Variants in CLYBL observed in about 807,000 individuals in gnomAD.
The protein encoded by CLYBL is citramalyl-CoA lyase.
A neutral mutation model predicts 38.9 loss-of-function variants in CLYBL; 31 were observed. The observed-to-expected ratio is 0.80, with a 90% CI of 0.60 to 1.08. The LOEUF is 1.08. CLYBL is among the 50% of genes least tolerant of loss of function. The pLI is 0.00. For missense variants in CLYBL, 434 were observed against 411.6 expected (o/e 1.05, Z -0.47); for synonymous variants, 171 against 158.6 (o/e 1.08, Z -0.59).
intron 1 of CLYBL, among the ~76,000 whole-genome samples, chr13:99,760,057 A>T (rs557091232): frequency 1.3e-5 from 2 of 152,152 alleles, no homozygotes; most frequent in Non-Finnish European, 2.9e-5. Flanking sequence ...GTTTCTTCAC[A>T]GTTTAGTCTT....
intron 1 of CLYBL, among the ~76,000 whole-genome samples, chr13:99,645,027 A>G (rs1352669345): frequency 6.6e-6 from 1 of 152,194 alleles, no homozygotes; most frequent in Non-Finnish European, 1.5e-5. Flanking sequence ...TCTTTTGGGT[A>G]TATACCTAGC....
At chr13:99,738,152 T>C (rs1017481490) in intron 1 of CLYBL, among the ~76,000 whole-genome samples, 1 of 152,220 alleles carries the variant, frequency 6.6e-6, no homozygotes, top group African/African-American at 2.4e-5. Flanking sequence ...AATATCTGCC[T>C]TTATCTTAAT....
intron 1 of CLYBL, among the ~76,000 whole-genome samples, chr13:99,648,735 T>G (rs953469389): frequency 6.6e-6 from 1 of 152,326 alleles, no homozygotes; most frequent in Non-Finnish European, 1.5e-5. Flanking sequence ...AAATGTACTT[T>G]TCTTACTCCT....
chr13:99,825,487 T>C lies in CLYBL; in HGVS notation c.250-33374T>C, dbSNP rs139100084. ...TTTTGTTCCAGGTAGTTTTTCCCCT[T>C]TGGCTTAGTCCCCTTTTTTATGAGG... On this transcript the variant is annotated intron_variant, in intron 2 of 8. Transcript: ENST00000339105. Among the ~76,000 whole-genome samples the C allele has an allele frequency of 9.0e-3, 1,368 of 152,290 alleles. 16 individuals carry two copies. Among genetic ancestry groups the C allele is most frequent in the Middle Eastern group, 0.037 (11 of 294 alleles).
chr13:99,695,866 G>A (rs1258926375), intron 1 of CLYBL, among the ~76,000 whole-genome samples: 1 of 152,170 alleles, frequency 6.6e-6, no homozygotes, highest in Non-Finnish European at 1.5e-5. Flanking sequence ...TCACATGAGG[G>A]TCTTCAGGGG....
intron 1 of CLYBL, among the ~76,000 whole-genome samples, chr13:99,771,217 G>A (rs1166223066): frequency 6.6e-6 from 1 of 151,810 alleles, no homozygotes; most frequent in East Asian, 1.9e-4. Flanking sequence ...TGCTTTTTGA[G>A]TTTTTTTCCT....
At chr13:99,710,498 A>G (rs936266755) in intron 1 of CLYBL, among the ~76,000 whole-genome samples, 2 of 152,194 alleles carry the variant, frequency 1.3e-5, no homozygotes, top group African/African-American at 4.8e-5. Flanking sequence ...TATGAAGACA[A>G]TGTAGGACAA....
At chr13:99,609,471 A>G (rs1594080857) in intron 1 of CLYBL, among the ~76,000 whole-genome samples, 1 of 152,164 alleles carries the variant, frequency 6.6e-6, no homozygotes, top group African/African-American at 2.4e-5. Flanking sequence ...CACCGTGCCC[A>G]GCCGACCTGT....
At chr13:99,616,705 C>T (rs1008558825) in intron 1 of CLYBL, among the ~76,000 whole-genome samples, 2 of 152,170 alleles carry the variant, frequency 1.3e-5, no homozygotes, top group African/African-American at 4.8e-5. Flanking sequence ...CCTGTAATTC[C>T]AGCACTTTGA....
rs770989492 is a variant in CLYBL at position 99,859,039 on chromosome 13, A to G, written c.428A>G (p.Glu143Gly). The change falls in exon 3 of 9, where the codon GAA (glutamate) becomes GGA (glycine). Residue 143 changes from glutamate (E) to glycine (G), a missense_variant. By Grantham distance (98) the Glu-to-Gly change is moderately conservative. Transcript: ENST00000339105. ...LMLPKVESPE[E>G]IQWFADKFSF... ...CTACCAAAGGTGGAAAGTCCTGAAG[A>G]AATCCAGTGGGTGAGTAGCTAATGC... is the stretch of plus-strand genomic sequence containing the variant. 1.2e-6 allele frequency: 2 copies of G among 1,612,176 alleles called. No individual in the cohort carries two copies. Among genetic ancestry groups the G allele is most frequent in the South Asian group, 2.2e-5 (2 of 90,556 alleles).
chr13:99,615,505 C>T (rs1450017855), intron 1 of CLYBL, among the ~76,000 whole-genome samples: 2 of 152,086 alleles, frequency 1.3e-5, no homozygotes, highest in Admixed American at 6.5e-5. Flanking sequence ...TGTGTTCTGC[C>T]GTTACACAAT....
At chr13:99,777,059 A>C (rs2049532760) in intron 2 of CLYBL, among the ~76,000 whole-genome samples, 1 of 151,986 alleles carries the variant, frequency 6.6e-6, no homozygotes, top group African/African-American at 2.4e-5. Flanking sequence ...TTGTGTTTTT[A>C]GGAGAGATGG....
chr13:99,842,922 CG>C (rs869124218), intron 2 of CLYBL, among the ~76,000 whole-genome samples: 3 of 150,868 alleles, frequency 2.0e-5, no homozygotes, highest in East Asian at 4.0e-4. Context: ...TATCCCTTTG[CG>C]GGGGGAAAAA....
rs1358920844 is a variant in CLYBL at position 99,885,241 on chromosome 13, T to C, written c.928-6077T>C. 8.0e-6 allele frequency: 3 copies of C among 373,226 alleles called. No individual in the cohort carries two copies. The Admixed American group carries it at 1.0e-4, about 12-fold the overall frequency. The allele number at this position is 373,226 out of a possible 1,614,324, so 23.1% of individuals were successfully genotyped here. On this transcript the variant is annotated intron_variant, in intron 7 of 8. Coordinates refer to ENST00000339105, the MANE Select transcript of CLYBL (RefSeq NM_206808.5). ...AGGGAAAGGGTGGAGAGGGATTTGC[T>C]CTACCAAGGAGGCCTCAAAACACTT...
At chr13:99,748,449 T>G (rs1457729552) in intron 1 of CLYBL, among the ~76,000 whole-genome samples, 3 of 136,056 alleles carry the variant, frequency 2.2e-5, no homozygotes, top group African/African-American at 8.4e-5. Context: ...TTTTTTTTTT[T>G]TTTTTTTTGA....
At chr13:99,798,366 C>G (rs187034351) in intron 2 of CLYBL, among the ~76,000 whole-genome samples, 61 of 152,332 alleles carry the variant, frequency 4.0e-4, no homozygotes, top group African/African-American at 1.2e-3. Context: ...CCATCATCTT[C>G]ACTCACTCAG....
intron 9 of CLYBL, among the ~76,000 whole-genome samples, chr13:99,906,572 T>C (rs867854918): frequency 3.6e-4 from 55 of 152,184 alleles, no homozygotes; most frequent in African/African-American, 1.1e-3. Flanking sequence ...TACAGGTGCC[T>C]GCCACCACAC....
intron 2 of CLYBL, among the ~76,000 whole-genome samples, chr13:99,835,546 G>T (rs531136430): frequency 1.3e-5 from 2 of 152,224 alleles, no homozygotes; most frequent in Non-Finnish European, 2.9e-5. Context: ...TCTGGGATAT[G>T]CAGGCTTTAA....
At chr13:99,852,891 T>A (rs1371288409) in intron 2 of CLYBL, among the ~76,000 whole-genome samples, 1 of 152,214 alleles carries the variant, frequency 6.6e-6, no homozygotes, top group East Asian at 1.9e-4. Context: ...TCTCCATCCA[T>A]CGATTTGCTT....
Sources: allele counts gnomAD v4.1 joint callset (sites outside exome capture counted in the v4.1 genomes callset), GRCh38; gene constraint gnomAD v4.1.1; transcripts MANE v1.5; gene names NCBI Gene and HGNC (gene_info 2026-07-23, HGNC 2026-07-21).